TXLNB: variants seen among roughly 807,000 people sequenced by gnomAD.
TXLNB encodes beta-taxilin.
Under a neutral mutation model 57.4 loss-of-function variants are expected in TXLNB, and 37 were observed. That is an observed-to-expected ratio of 0.64 (90% CI 0.50 to 0.85). The LOEUF (loss-of-function observed/expected upper bound fraction) is 0.85. Among genes scored for constraint, TXLNB ranks in the 40% least tolerant of loss-of-function variants. The probability of loss-of-function intolerance (pLI) is 0.00; values close to 1 mark genes in which losing one functional copy is unlikely to be tolerated. For synonymous variants in TXLNB, 302 were observed against 309.6 expected (o/e 0.98, Z 0.26); for missense variants, 848 against 825.6 (o/e 1.03, Z -0.33).
chr6:139,283,825 C>T (rs1170522889), intron 2 of TXLNB, among the ~76,000 whole-genome samples: 1 of 145,470 alleles, frequency 6.9e-6, no homozygotes, highest in Non-Finnish European at 1.5e-5. Flanking sequence ...AAGCAAATAG[C>T]ATCTAATAAA....
chr6:139,253,108 A>C (rs1424869542), intron 7 of TXLNB, among the ~76,000 whole-genome samples: 1 of 152,232 alleles, frequency 6.6e-6, no homozygotes, highest in Non-Finnish European at 1.5e-5. Flanking sequence ...ATTAATAGTC[A>C]AGCAGAGATT....
the TXLNB span, among the ~76,000 whole-genome samples, chr6:139,200,350 C>T: frequency 6.6e-6 from 1 of 152,262 alleles, no homozygotes; most frequent in Non-Finnish European, 1.5e-5. Context: ...TTAAGAGGGA[C>T]ATTTGCTACC....
At chr6:139,210,097 CAT>C in the TXLNB span, among the ~76,000 whole-genome samples, 3 of 152,000 alleles carry the variant, frequency 2.0e-5, no homozygotes, top group South Asian at 4.1e-4. Context: ...AGCCAACAAA[CAT>C]ATGAAAAAAT....
At chr6:139,298,264 A>C in the TXLNB span, among the ~76,000 whole-genome samples, 1 of 152,212 alleles carries the variant, frequency 6.6e-6, no homozygotes, top group African/African-American at 2.4e-5. Flanking sequence ...CCACCTCTTA[A>C]GTAGCCTTAT....
the TXLNB span, among the ~76,000 whole-genome samples, chr6:139,189,054 G>A: frequency 6.6e-6 from 1 of 152,226 alleles, no homozygotes; most frequent in Non-Finnish European, 1.5e-5. Flanking sequence ...ACCATGCCCG[G>A]CCCAGATTTC....
the TXLNB span, among the ~76,000 whole-genome samples, chr6:139,198,062 G>A: frequency 6.6e-6 from 1 of 152,246 alleles, no homozygotes; most frequent in Non-Finnish European, 1.5e-5. Context: ...AACCATATCA[G>A]TTGGTATAAG....
chr6:139,169,759 G>T, the TXLNB span: 3 of 152,240 alleles, frequency 2.0e-5, no homozygotes, highest in Non-Finnish European at 4.4e-5. Flanking sequence ...AGAGATGTAA[G>T]TGGAAGCTGC....
chr6:139,162,246 G>C, the TXLNB span, among the ~76,000 whole-genome samples: 1 of 152,144 alleles, frequency 6.6e-6, no homozygotes, highest in East Asian at 1.9e-4. Flanking sequence ...AGTCAGGATA[G>C]GGGGGCAATC....
downstream of TXLNB, among the ~76,000 whole-genome samples, chr6:139,237,932 T>C (rs546153834): frequency 2.8e-4 from 42 of 152,208 alleles, no homozygotes; most frequent in Non-Finnish European, 4.3e-4. Context: ...TGTTATCTCC[T>C]GGCCAGGTGA....
At chr6:139,323,590 G>GT in the TXLNB span, among the ~76,000 whole-genome samples, 10 of 152,112 alleles carry the variant, frequency 6.6e-5, no homozygotes, top group African/African-American at 1.2e-4. Context: ...GGCTTGTTTA[G>GT]TTTTTTTATT....
the TXLNB span, among the ~76,000 whole-genome samples, chr6:139,222,440 G>T: frequency 1.3e-5 from 2 of 152,086 alleles, no homozygotes; most frequent in African/African-American, 4.8e-5. Context: ...CCAACATAAA[G>T]ATATCGCTAG....
chr6:139,240,513 A>G lies in TXLNB; in HGVS notation c.*2013T>C, dbSNP rs954907130. On this transcript the variant is annotated 3_prime_UTR_variant, in exon 10 of 10. Coordinates refer to ENST00000358430, the MANE Select transcript of TXLNB (RefSeq NM_153235.4). ...ATATTCAGACTGAGACTTTACTATGACTAATCTTACTCCATTCTTGGACGT... is the reference window on the plus strand; with the variant it reads ...ATATTCAGACTGAGACTTTACTATGGCTAATCTTACTCCATTCTTGGACGT... The G allele has an allele frequency of 1.3e-5, 2 of 152,650 alleles. No homozygotes were observed. The highest frequency in any genetic ancestry group is 4.8e-5 in the African/African-American group (2 of 41,458). The allele number at this position is 152,650 out of a possible 1,614,324, so 9.5% of individuals were successfully genotyped here.
intron 1 of TXLNB, among the ~76,000 whole-genome samples, chr6:139,291,095 T>G (rs1777289376): frequency 6.6e-6 from 1 of 152,252 alleles, no homozygotes; most frequent in Non-Finnish European, 1.5e-5. Flanking sequence ...CCTCACTTGT[T>G]GATTGCACTC....
chr6:139,188,631 G>A, the TXLNB span, among the ~76,000 whole-genome samples: 1 of 152,100 alleles, frequency 6.6e-6, no homozygotes, highest in Non-Finnish European at 1.5e-5. Flanking sequence ...CACTCCCAAC[G>A]TCTCTCATTT....
At chr6:139,166,402 C>T in the TXLNB span, 1 of 1,614,210 alleles carries the variant, frequency 6.2e-7, no homozygotes, top group Admixed American at 1.7e-5. Context: ...CCTGGATGCA[C>T]CTGCAGTGCT....
chr6:139,182,088 A>G, the TXLNB span, among the ~76,000 whole-genome samples: 2 of 152,238 alleles, frequency 1.3e-5, no homozygotes, highest in Non-Finnish European at 2.9e-5. Context: ...GTGATCAAGA[A>G]TAGTTTATCC....
At chr6:139,289,729 A>G (rs563323880) in intron 1 of TXLNB, among the ~76,000 whole-genome samples, 14 of 152,234 alleles carry the variant, frequency 9.2e-5, no homozygotes, top group Admixed American at 2.6e-4. Context: ...TTTCCTGTAT[A>G]ATTCTATGTA....
chr6:139,322,321 C>T, the TXLNB span, among the ~76,000 whole-genome samples: 2 of 152,190 alleles, frequency 1.3e-5, no homozygotes, highest in Non-Finnish European at 2.9e-5. Flanking sequence ...CCTCACATGG[C>T]AGAAGGTAGA....
chr6:139,253,838 G>A (rs538253365), intron 7 of TXLNB, among the ~76,000 whole-genome samples: 18 of 152,322 alleles, frequency 1.2e-4, no homozygotes, highest in African/African-American at 4.3e-4. Flanking sequence ...GAGATTGCAT[G>A]TAGCAGATGA....
Sources: allele counts gnomAD v4.1 joint callset (sites outside exome capture counted in the v4.1 genomes callset), GRCh38; gene constraint gnomAD v4.1.1; transcripts MANE v1.5; gene names NCBI Gene and HGNC (gene_info 2026-07-23, HGNC 2026-07-21).